Variants in TSPAN9 observed in about 807,000 individuals in gnomAD.
TSPAN9 encodes tetraspanin-9.
In TSPAN9, 16 loss-of-function variants were observed where a neutral mutation model predicts 31.0. The observed-to-expected ratio is 0.52, with a 90% CI of 0.35 to 0.78. The LOEUF (loss-of-function observed/expected upper bound fraction) is 0.78, where lower values mean the gene tolerates loss of function less well. Ranked by LOEUF, TSPAN9 falls within the 30% of genes least tolerant of loss-of-function variation. TSPAN9 has a pLI of 0.01. For synonymous variants in TSPAN9, 145 were observed against 121.6 expected (o/e 1.19, Z -1.27); for missense variants, 272 against 312.5 (o/e 0.87, Z 0.98).
chr12:3,105,867 C>A (rs908160142), intron 2 of TSPAN9, among the ~76,000 whole-genome samples: 3 of 146,486 alleles, frequency 2.0e-5, no homozygotes, highest in Non-Finnish European at 2.9e-5. Flanking sequence ...CACACACACA[C>A]GCTCACACAC....
chr12:3,186,126 C>T (rs746929560), intron 2 of TSPAN9, among the ~76,000 whole-genome samples: 2 of 152,172 alleles, frequency 1.3e-5, no homozygotes, highest in Non-Finnish European at 2.9e-5. Context: ...CTCAGCTGGG[C>T]AGGCGCTAAC....
chr12:3,078,682 G>A (rs2098296334), intron 1 of TSPAN9, among the ~76,000 whole-genome samples: 1 of 152,172 alleles, frequency 6.6e-6, no homozygotes, highest in African/African-American at 2.4e-5. Flanking sequence ...GTGGGTTGGA[G>A]GGAGAGGATT....
intron 2 of TSPAN9, among the ~76,000 whole-genome samples, chr12:3,135,382 G>A (rs761293323): frequency 3.3e-5 from 5 of 152,032 alleles, no homozygotes; most frequent in Non-Finnish European, 5.9e-5. Flanking sequence ...CACTGTGCCC[G>A]GCCACCACGT....
chr12:3,138,206 G>A (rs1477118317), intron 2 of TSPAN9, among the ~76,000 whole-genome samples: 1 of 152,198 alleles, frequency 6.6e-6, no homozygotes, highest in Admixed American at 6.5e-5. Context: ...TCTGCCTGGG[G>A]CGGGTGTAGC....
chr12:3,234,454 ATAG>A (rs1565625551), intron 3 of TSPAN9, among the ~76,000 whole-genome samples: 1 of 152,188 alleles, frequency 6.6e-6, no homozygotes, highest in East Asian at 1.9e-4. Context: ...CAGCACTGAC[ATAG>A]TAGTAGGTAC....
chr12:3,126,559 A>G (rs1185867319), intron 2 of TSPAN9, among the ~76,000 whole-genome samples: 1 of 152,216 alleles, frequency 6.6e-6, no homozygotes, highest in Non-Finnish European at 1.5e-5. Flanking sequence ...GTACCCCTGT[A>G]TTAGGCTGTT....
intron 3 of TSPAN9, among the ~76,000 whole-genome samples, chr12:3,219,378 C>T (rs1289573090): frequency 6.6e-6 from 1 of 152,206 alleles, no homozygotes; most frequent in Admixed American, 6.5e-5. Context: ...ATTATCCTAT[C>T]TCTGTTGAGT....
chr12:3,227,428 C>A (rs1402099399), intron 3 of TSPAN9, among the ~76,000 whole-genome samples: 1 of 152,142 alleles, frequency 6.6e-6, no homozygotes, highest in African/African-American at 2.4e-5. Context: ...GCCTGTGCTT[C>A]CTGGCCCTCT....
At chr12:3,120,294 G>A (rs770300230) in intron 2 of TSPAN9, among the ~76,000 whole-genome samples, 28 of 152,124 alleles carry the variant, frequency 1.8e-4, no homozygotes, top group Admixed American at 4.6e-4. Context: ...ACCTTGGCGT[G>A]CTCATTCACC....
chr12:3,237,397 T>C (rs540273749), intron 3 of TSPAN9, among the ~76,000 whole-genome samples: 41 of 152,318 alleles, frequency 2.7e-4, no homozygotes, highest in African/African-American at 9.6e-4. Context: ...CTGGTCCCTG[T>C]ATTTCCCACC....
chr12:3,152,023 A>AG (rs2098340012), intron 2 of TSPAN9, among the ~76,000 whole-genome samples: 1 of 152,208 alleles, frequency 6.6e-6, no homozygotes. Flanking sequence ...TGCCTGCTGG[A>AG]GGGGGCTGTG....
intron 2 of TSPAN9, chr12:3,150,894 A>T (rs910412448): frequency 6.6e-6 from 1 of 152,274 alleles, no homozygotes. Context: ...CTCATTTCTC[A>T]TAAGGCCCCT....
chr12:3,085,279 C>T (rs2098299876), intron 2 of TSPAN9, among the ~76,000 whole-genome samples: 3 of 151,720 alleles, frequency 2.0e-5, no homozygotes, highest in Non-Finnish European at 2.9e-5. Context: ...TGCGGCATGT[C>T]CCCCACATCC....
At chr12:3,088,958 T>C (rs1224960786) in intron 2 of TSPAN9, among the ~76,000 whole-genome samples, 1 of 151,866 alleles carries the variant, frequency 6.6e-6, no homozygotes, top group Non-Finnish European at 1.5e-5. Flanking sequence ...ATAGGCTGGG[T>C]GTGATGGCTC....
intron 1 of TSPAN9, among the ~76,000 whole-genome samples, chr12:3,080,179 T>C (rs1028189505): frequency 6.6e-6 from 1 of 152,212 alleles, no homozygotes; most frequent in Non-Finnish European, 1.5e-5. Flanking sequence ...CTCTCTGTTT[T>C]GGTGGTATAT....
intron 3 of TSPAN9, among the ~76,000 whole-genome samples, chr12:3,212,579 C>T (rs2098379336): frequency 1.3e-5 from 2 of 152,188 alleles, no homozygotes. Flanking sequence ...AGCCTAGAGA[C>T]TTCTGATCTT....
chr12:3,264,003 G>A (rs754479561), intron 3 of TSPAN9, among the ~76,000 whole-genome samples: 2 of 152,218 alleles, frequency 1.3e-5, no homozygotes, highest in Non-Finnish European at 2.9e-5. Flanking sequence ...TGTGAGAGGA[G>A]CATTTTTATT....
At chr12:3,259,191 AT>A (rs1862404766) in intron 3 of TSPAN9, among the ~76,000 whole-genome samples, 1 of 152,168 alleles carries the variant, frequency 6.6e-6, no homozygotes, top group Admixed American at 6.5e-5. Flanking sequence ...CAGGACAGGT[AT>A]TTCGCCTCAC....
chr12:3,138,050 G>A (rs1331662166), intron 2 of TSPAN9, among the ~76,000 whole-genome samples: 5 of 152,178 alleles, frequency 3.3e-5, no homozygotes, highest in South Asian at 2.1e-4. Flanking sequence ...TGCCTTCTCT[G>A]GGCCTCAGCA....
Sources: gnomAD v4.1 joint callset for allele counts (sites outside exome capture counted in the v4.1 genomes callset) on GRCh38, gnomAD v4.1.1 for gene constraint, MANE v1.5 for transcripts, NCBI Gene and HGNC (gene_info 2026-07-23, HGNC 2026-07-21) for gene names.